The following ERCC6 variants were observed in gnomAD, a reference collection of about 807,000 sequenced individuals.
ERCC6 encodes the protein DNA excision repair protein ERCC-6.
Under a neutral mutation model 158.7 loss-of-function variants are expected in ERCC6, and 116 were observed. The ratio of observed to expected loss-of-function variants is 0.73; its 90% CI spans 0.63 to 0.85. The LOEUF is 0.85. Among genes scored for constraint, ERCC6 ranks in the 40% least tolerant of loss-of-function variants. The pLI is 0.00. For synonymous variants in ERCC6, 678 were observed against 659.3 expected, an observed-to-expected ratio of 1.03 and a Z score of -0.43; for missense variants, 1,698 against 1,799.4, an observed-to-expected ratio of 0.94 and a Z score of 1.02.
Position 49,532,937 on chromosome 10 carries a change from T to C in ERCC6, c.28A>G (p.Ser10Gly). The C allele has an allele frequency of 6.2e-7, 1 of 1,614,238 alleles. No homozygotes were observed. The highest frequency in any genetic ancestry group is 8.5e-7 in the Non-Finnish European group (1 of 1,180,046). MPNEGIPHS[S>G]QTQEQDCLQS... Reference sequence around the variant, plus strand: ...AAACAGTCTTGCTCCTGAGTTTGACTTGAGTGGGGGATTCCCTCATTTGGC... The same window carrying C: ...AAACAGTCTTGCTCCTGAGTTTGACCTGAGTGGGGGATTCCCTCATTTGGC... The change falls in exon 2 of 21, where the codon AGT (serine) becomes GGT (glycine). Residue 10 changes from serine (S) to glycine (G), a missense_variant. Coordinates refer to ENST00000355832, the MANE Select transcript of ERCC6 (RefSeq NM_000124.4).
At chr10:49,497,302 T>A (rs1433098588) in intron 7 of ERCC6, among the ~76,000 whole-genome samples, 1 of 152,242 alleles carries the variant, frequency 6.6e-6, no homozygotes, top group Non-Finnish European at 1.5e-5. Context: ...ATCATCAATA[T>A]GCACTTAGCA....
rs370872469 is a variant in ERCC6, at chr10:49,525,823, G to A, written c.653-1046C>T. 8.5e-4 allele frequency among the ~76,000 whole-genome samples: 129 copies of A among 151,620 alleles called. 3 individuals carry two copies. The South Asian group carries it at 0.025, about 29-fold the overall frequency. ...CTTCAGGCTACCTCCCAGCCTCTACGCCCCCCAAGATAATGATGGACCTGG... is the reference window on the plus strand; with the variant it reads ...CTTCAGGCTACCTCCCAGCCTCTACACCCCCCAAGATAATGATGGACCTGG... On this transcript the variant is annotated intron_variant, in intron 4 of 20. Coordinates refer to ENST00000355832, the MANE Select transcript of ERCC6 (RefSeq NM_000124.4).
chr10:49,444,717 T>C, the ERCC6 span, among the ~76,000 whole-genome samples: 1 of 152,214 alleles, frequency 6.6e-6, no homozygotes, highest in Admixed American at 6.5e-5. Flanking sequence ...CTATGAAATG[T>C]GCATGTAATT....
In ERCC6 at chr10:49,472,931, C is replaced by T. The variant is rs1283213117; in HGVS notation, c.2807G>A (p.Trp936Ter). ...AACCTGCGTGTCCGTGCTTGGGTTC[C>T]AGTCTGGGTCATAGATGACAACTCT... ...ANRVVIYDPD[W>*]NPSTDTQARE... The change falls in exon 15 of 21, where the codon TGG (tryptophan) becomes TAG (stop). Residue 936 changes from tryptophan (W) to a stop codon, truncating the protein, a stop_gained. Transcript: ENST00000355832. LOFTEE classifies it high-confidence loss of function. The T allele has an allele frequency of 3.1e-6, 5 of 1,613,916 alleles. No homozygotes were observed. Among genetic ancestry groups the T allele is most frequent in the Non-Finnish European group, 3.4e-6 (4 of 1,179,972 alleles).
intron 4 of ERCC6, among the ~76,000 whole-genome samples, chr10:49,526,536 G>A (rs1252002404): frequency 6.6e-6 from 1 of 152,022 alleles, no homozygotes; most frequent in Non-Finnish European, 1.5e-5. Context: ...TGCCCTAAAT[G>A]CTATCTTCTG....
intron 8 of ERCC6, among the ~76,000 whole-genome samples, chr10:49,489,927 C>G (rs1160007488): frequency 6.6e-6 from 1 of 151,892 alleles, no homozygotes; most frequent in Non-Finnish European, 1.5e-5. Flanking sequence ...TTTTTTTGAG[C>G]CCTAGCAACA....
chr10:49,516,034 G>C, intron 5 of ERCC6: 1 of 1,614,122 alleles, frequency 6.2e-7, no homozygotes, highest in Non-Finnish European at 8.5e-7. Flanking sequence ...AGCTTATCAA[G>C]AAGTGCAATA....
At chr10:49,441,904 G>A in the ERCC6 span, among the ~76,000 whole-genome samples, 3 of 152,222 alleles carry the variant, frequency 2.0e-5, no homozygotes, top group Non-Finnish European at 4.4e-5. Flanking sequence ...GCGGGAGAAA[G>A]TGTGCTTTAC....
intron 5 of ERCC6, 90 bp from the exon 6 acceptor site, chr10:49,506,102 G>C: frequency 6.7e-7 from 1 of 1,499,948 alleles, no homozygotes; most frequent in Non-Finnish European, 9.2e-7. Flanking sequence ...AGAAAAAACA[G>C]GCAAATTAGA....
chr10:49,466,068 A>C (rs1320786609), intron 18 of ERCC6, among the ~76,000 whole-genome samples: 1 of 152,234 alleles, frequency 6.6e-6, no homozygotes, highest in Non-Finnish European at 1.5e-5. Flanking sequence ...GATGGGAGGA[A>C]ACCCTAAAGT....
At chr10:49,483,859 T>TA (rs1462686717) in intron 8 of ERCC6, among the ~76,000 whole-genome samples, 13 of 151,920 alleles carry the variant, frequency 8.6e-5, no homozygotes, top group African/African-American at 3.1e-4. Context: ...TATATTAATT[T>TA]AAAACAAAAG....
Position 49,471,081 on chromosome 10 carries a change from T to C in ERCC6, c.2964A>G (p.Lys988=). The stretch of plus-strand genomic sequence containing the variant: ...TGAAAAACCGCCTTTGTTTTGGGTC[T>C]TTTAGCACTCTATTTGTCAAAAACT... The part of the protein sequence containing the change: ...FKQFLTNRVL[K]DPKQRRFFKS... The change falls in exon 17 of 21, where the codon AAA becomes AAG. Residue 988 remains lysine, a synonymous_variant. Transcript: ENST00000355832. 6.2e-7 allele frequency: 1 copy of C among 1,614,048 alleles called. No homozygotes were observed. Among genetic ancestry groups the C allele is most frequent in the Non-Finnish European group, 8.5e-7 (1 of 1,179,992 alleles).
At chr10:49,516,137 A>T in intron 5 of ERCC6, 1 of 1,614,166 alleles carries the variant, frequency 6.2e-7, no homozygotes, top group Non-Finnish European at 8.5e-7. Flanking sequence ...ACGCACCGAC[A>T]CCATATTCCT....
At chr10:49,515,383 A>G in intron 5 of ERCC6, 1 of 1,613,926 alleles carries the variant, frequency 6.2e-7, no homozygotes, top group African/African-American at 1.3e-5. Flanking sequence ...GCAACATCAC[A>G]TTTTTCACAT....
rs1277704971 is a variant in ERCC6, at chr10:49,457,628, G to A, written c.*1187C>T. On this transcript the variant is annotated 3_prime_UTR_variant, in exon 21 of 21. Transcript: ENST00000355832. ...CATACTACAGAAAAATGAGAGAGAG[G>A]AAAAGAGCATGCCAGAGAATACAAA... 1.3e-5 allele frequency: 2 copies of A among 152,174 alleles called. No individual in the cohort carries two copies. The highest frequency in any genetic ancestry group is 2.9e-5 in the Non-Finnish European group (2 of 68,062). 9.4% of individuals were successfully genotyped at this position (152,174 alleles called of 1,614,324 possible). A position where few individuals can be genotyped will look rare whatever the true frequency, so the allele number is the denominator to read the frequency against.
At chr10:49,475,403 G>C in intron 12 of ERCC6, 1 of 451,014 alleles carries the variant, frequency 2.2e-6, no homozygotes, top group South Asian at 1.6e-5. Flanking sequence ...CCCTTTCCTG[G>C]ATAGTGTGAT....
rs780200260 is a variant in ERCC6, at chr10:49,474,096, A to G, written c.2529T>C (p.Val843=). 1 of 1,614,148 alleles carries G rather than the reference A, an allele frequency of 6.2e-7. No homozygotes were observed. Among genetic ancestry groups the G allele is most frequent in the South Asian group, 1.1e-5 (1 of 91,088 alleles). ...GYWKRSGKMI[V]VESLLKIWHK... ...GCCATATTTTCAACAAAGACTCAAC[A>G]ACAATCATTTTCCCAGAACGTTTCC... The change falls in exon 13 of 21, where the codon GTT becomes GTC. Residue 843 remains valine (V), a synonymous_variant. Coordinates refer to ENST00000355832, the MANE Select transcript of ERCC6 (RefSeq NM_000124.4).
chr10:49,502,749 C>T (rs1045465542), intron 6 of ERCC6: 1 of 152,088 alleles, frequency 6.6e-6, no homozygotes, highest in African/African-American at 2.4e-5. Context: ...TTGTTACAAC[C>T]AGAGAAGTGC....
chr10:49,443,591 A>G, the ERCC6 span, among the ~76,000 whole-genome samples: 2 of 152,220 alleles, frequency 1.3e-5, no homozygotes, highest in Non-Finnish European at 2.9e-5. Context: ...CTTCACATTC[A>G]CTTACACTCA....
Sources: gnomAD v4.1 joint callset for allele counts (sites outside exome capture counted in the v4.1 genomes callset) on GRCh38, gnomAD v4.1.1 for gene constraint, MANE v1.5 for transcripts, NCBI Gene and HGNC (gene_info 2026-07-23, HGNC 2026-07-21) for gene names.